The following TLL1 variants were observed in gnomAD, a reference collection of about 807,000 sequenced individuals.
The protein encoded by TLL1 is tolloid like 1.
Under a neutral mutation model 128.2 loss-of-function variants are expected in TLL1, and 49 were observed. That is an observed-to-expected ratio of 0.38 (90% confidence interval 0.30 to 0.48). The LOEUF is 0.48. Among genes scored for constraint, TLL1 ranks in the 20% least tolerant of loss-of-function variants. The pLI, the probability that TLL1 is intolerant of heterozygous loss-of-function variation, is 0.96. For synonymous variants in TLL1, 454 were observed against 418.8 expected (o/e 1.08, Z -1.03); for missense variants, 1,123 against 1,242.0 (o/e 0.90, Z 1.44).
intron 7 of TLL1, among the ~76,000 whole-genome samples, chr4:166,009,937 C>T (rs1737609699): frequency 6.6e-6 from 1 of 151,342 alleles, no homozygotes; most frequent in South Asian, 2.1e-4. Context: ...ACTTATTCAT[C>T]TTGCAAAACG....
At chr4:165,959,018 T>C (rs1354090917) in intron 1 of TLL1, among the ~76,000 whole-genome samples, 1 of 139,874 alleles carries the variant, frequency 7.1e-6, no homozygotes, top group African/African-American at 2.6e-5. Flanking sequence ...GATCAGATAG[T>C]TGTAGATATG....
rs1223608815 is a variant in TLL1, at chr4:165,910,688, G to A, written c.169+36615G>A. Among the ~76,000 whole-genome samples the A allele has an allele frequency of 2.6e-5, 4 of 152,064 alleles. No homozygotes were observed. The East Asian group carries it at 7.7e-4, about 29-fold the overall frequency. On this transcript the variant is annotated intron_variant, in intron 1 of 20. Coordinates refer to ENST00000061240, the MANE Select transcript of TLL1 (RefSeq NM_012464.5). ...TGATAACACTATAAGGCTAAAACTG[G>A]AATTTGCACCAGTACTAAGTAATTT...
intron 1 of TLL1, among the ~76,000 whole-genome samples, chr4:165,906,605 T>C (rs2110863125): frequency 6.6e-6 from 1 of 152,266 alleles, no homozygotes; most frequent in Admixed American, 6.5e-5. Context: ...ATCTTGGAAA[T>C]ATTTAAATTA....
intron 12 of TLL1, among the ~76,000 whole-genome samples, chr4:166,045,967 T>G (rs951137570): frequency 6.6e-6 from 1 of 152,222 alleles, no homozygotes; most frequent in African/African-American, 2.4e-5. Flanking sequence ...TAAATTGCAC[T>G]TCCAACTACC....
chr4:165,956,075 G>T (rs1320674574), intron 1 of TLL1, among the ~76,000 whole-genome samples: 1 of 151,964 alleles, frequency 6.6e-6, no homozygotes, highest in Non-Finnish European at 1.5e-5. Flanking sequence ...GCTTCAAAGG[G>T]CAAAAAGCAG....
intron 1 of TLL1, among the ~76,000 whole-genome samples, chr4:165,979,943 CTG>C (rs1362746745): frequency 2.6e-5 from 4 of 152,118 alleles, no homozygotes; most frequent in Admixed American, 2.6e-4. Context: ...TGTTGACTGA[CTG>C]TATTAACATG....
intron 1 of TLL1, among the ~76,000 whole-genome samples, chr4:165,912,683 C>T (rs960862755): frequency 1.3e-5 from 2 of 152,060 alleles, no homozygotes; most frequent in African/African-American, 2.4e-5. Flanking sequence ...CATAGTTGTT[C>T]AATAGAATGT....
intron 1 of TLL1, among the ~76,000 whole-genome samples, chr4:165,977,531 A>T (rs1043192938): frequency 6.6e-6 from 1 of 152,216 alleles, no homozygotes; most frequent in East Asian, 1.9e-4. Flanking sequence ...AGAATAGTCA[A>T]CTATTTTTAT....
intron 15 of TLL1, among the ~76,000 whole-genome samples, chr4:166,063,180 G>A (rs1477715904): frequency 6.6e-6 from 1 of 152,118 alleles, no homozygotes; most frequent in Non-Finnish European, 1.5e-5. Flanking sequence ...AGTGGGCGAA[G>A]GATATAAACA....
At chr4:166,069,072 C>T (rs994104703) in intron 16 of TLL1, among the ~76,000 whole-genome samples, 1 of 151,778 alleles carries the variant, frequency 6.6e-6, no homozygotes, top group African/African-American at 2.4e-5. Context: ...AAACTCCTAT[C>T]ATGTTTCCAC....
At chr4:165,983,665 G>A (rs1380994374) in intron 1 of TLL1, among the ~76,000 whole-genome samples, 1 of 151,782 alleles carries the variant, frequency 6.6e-6, no homozygotes, top group Non-Finnish European at 1.5e-5. Context: ...GAAGAAGACT[G>A]TGTTTAACTT....
At chr4:165,995,257 T>A (rs79814055) in intron 5 of TLL1, 79 bp downstream of exon 5, 2 of 1,077,362 alleles carry the variant, frequency 1.9e-6, no homozygotes, top group Admixed American at 1.7e-5. Context: ...TAGGTAAGAT[T>A]TATTTCTTAA....
At chr4:165,889,564 G>A (rs1191445880) in intron 1 of TLL1, among the ~76,000 whole-genome samples, 1 of 152,202 alleles carries the variant, frequency 6.6e-6, no homozygotes, top group African/African-American at 2.4e-5. Flanking sequence ...GCGTAAAGTG[G>A]TATCACAAGT....
At chr4:165,920,453 T>C (rs1732995036) in intron 1 of TLL1, among the ~76,000 whole-genome samples, 1 of 152,200 alleles carries the variant, frequency 6.6e-6, no homozygotes, top group South Asian at 2.1e-4. Context: ...GTAATAATTC[T>C]CAAAAGTAAC....
intron 18 of TLL1, among the ~76,000 whole-genome samples, chr4:166,079,987 C>T (rs1167323421): frequency 4.7e-4 from 72 of 152,154 alleles, no homozygotes; most frequent in Admixed American, 4.7e-3. Context: ...CTAGCACTTA[C>T]ATTTCACTTA....
intron 1 of TLL1, among the ~76,000 whole-genome samples, chr4:165,982,824 G>T (rs2110999284): frequency 6.7e-6 from 1 of 150,096 alleles, no homozygotes; most frequent in Admixed American, 6.6e-5. Context: ...TCAATATTTA[G>T]AAAATAAGGA....
intron 5 of TLL1, among the ~76,000 whole-genome samples, chr4:165,995,696 T>C (rs1736844500): frequency 6.6e-6 from 1 of 152,220 alleles, no homozygotes; most frequent in Admixed American, 6.5e-5. Context: ...TTTGGCTTGA[T>C]ATGTTTTGGT....
intron 8 of TLL1, among the ~76,000 whole-genome samples, chr4:166,017,526 A>T (rs1738005483): frequency 6.6e-6 from 1 of 152,164 alleles, no homozygotes; most frequent in Admixed American, 6.5e-5. Flanking sequence ...TGCTTTCCTC[A>T]ATGGCTGGAC....
At position 165,873,872 on chromosome 4, in the gene TLL1, T is replaced by C. The variant is rs776996565; in HGVS notation, c.-33T>C. 11 of 1,612,188 alleles carry C rather than the reference T, an allele frequency of 6.8e-6. No homozygotes were observed. The African/African-American group carries it at 1.2e-4, about 18-fold the overall frequency. On this transcript the variant is annotated 5_prime_UTR_variant, in exon 1 of 21. Coordinates refer to ENST00000061240, the MANE Select transcript of TLL1 (RefSeq NM_012464.5). The stretch of plus-strand genomic sequence containing the variant: ...GGACCGCGGCTGCCTAACCTCTGGG[T>C]CCCGTCCCCTCCTTTTCCTCCGGGG...
Sources: gnomAD v4.1 joint callset for allele counts (sites outside exome capture counted in the v4.1 genomes callset) on GRCh38, gnomAD v4.1.1 for gene constraint, MANE v1.5 for transcripts, NCBI Gene and HGNC (gene_info 2026-07-23, HGNC 2026-07-21) for gene names.